The following NR6A1 variants were observed in gnomAD, a reference collection of about 807,000 sequenced individuals.
The protein encoded by NR6A1 is nuclear receptor subfamily 6 group A member 1, also known as retinoic acid receptor-related testis-associated receptor.
NR6A1 carries 7 observed loss-of-function variants against 59.1 expected under a neutral mutation model. The ratio of observed to expected loss-of-function variants is 0.12; its 90% CI spans 0.07 to 0.22. The LOEUF (loss-of-function observed/expected upper bound fraction) is 0.22. Ranked by LOEUF, NR6A1 falls within the 10% of genes least tolerant of loss-of-function variation. The probability of loss-of-function intolerance (pLI) is 1.00; values close to 1 mark genes in which losing one functional copy is unlikely to be tolerated. For missense variants in NR6A1, 468 were observed against 611.6 expected (o/e 0.77, Z 2.48); for synonymous variants, 243 against 236.1 (o/e 1.03, Z -0.27).
At chr9:124,765,357 C>A (rs1240507960) in intron 1 of NR6A1, among the ~76,000 whole-genome samples, 2 of 152,142 alleles carry the variant, frequency 1.3e-5, no homozygotes, top group African/African-American at 4.8e-5. Flanking sequence ...AATATTAAAA[C>A]AGCCCCCGAA....
At chr9:124,683,740 C>A (rs976953794) in intron 2 of NR6A1, among the ~76,000 whole-genome samples, 2 of 152,190 alleles carry the variant, frequency 1.3e-5, no homozygotes, top group African/African-American at 4.8e-5. Flanking sequence ...TTGCAGTGAG[C>A]CAAGATCGCA....
At chr9:124,602,835 A>G (rs1835482540) in intron 2 of NR6A1, among the ~76,000 whole-genome samples, 2 of 152,160 alleles carry the variant, frequency 1.3e-5, no homozygotes, top group Non-Finnish European at 2.9e-5. Flanking sequence ...CCCTCCCTCT[A>G]TAACCCAGCT....
chr9:124,649,775 A>G (rs1204644414), intron 2 of NR6A1, among the ~76,000 whole-genome samples: 1 of 152,222 alleles, frequency 6.6e-6, no homozygotes, highest in Non-Finnish European at 1.5e-5. Context: ...ATCCAATTTT[A>G]AAATGGGAAA....
chr9:124,707,596 T>C (rs918009978), intron 2 of NR6A1, among the ~76,000 whole-genome samples: 10 of 152,094 alleles, frequency 6.6e-5, no homozygotes, highest in African/African-American at 2.4e-5. Context: ...ATACTAAACA[T>C]TTAAAACAAT....
chr9:124,753,892 T>A (rs930487689), intron 1 of NR6A1, among the ~76,000 whole-genome samples: 2 of 152,158 alleles, frequency 1.3e-5, no homozygotes, highest in African/African-American at 4.8e-5. Context: ...GGCTCATAAT[T>A]CTACTTACAA....
chr9:124,768,823 T>A (rs559962041), intron 1 of NR6A1, among the ~76,000 whole-genome samples: 22 of 152,330 alleles, frequency 1.4e-4, no homozygotes, highest in Non-Finnish European at 2.5e-4. Flanking sequence ...TCAAGTAGAA[T>A]TGAAAGCAAT....
intron 2 of NR6A1, chr9:124,599,538 T>G: frequency 1.6e-6 from 1 of 637,414 alleles, no homozygotes; most frequent in South Asian, 1.5e-5. Flanking sequence ...TCATTCTCAA[T>G]GGAAGTATCG....
chr9:124,588,025 T>TCTCCTCAG (rs1834985603), intron 2 of NR6A1, among the ~76,000 whole-genome samples: 1 of 152,088 alleles, frequency 6.6e-6, no homozygotes, highest in South Asian at 2.1e-4. Flanking sequence ...AGAACTCCTC[T>TCTCCTCAG]CTCCTCAGCT....
intron 1 of NR6A1, among the ~76,000 whole-genome samples, chr9:124,755,653 C>T (rs1840614436): frequency 6.6e-6 from 1 of 152,188 alleles, no homozygotes; most frequent in Non-Finnish European, 1.5e-5. Flanking sequence ...GCTCTCTAAA[C>T]AGCTGCGAAT....
At chr9:124,546,934 C>T (rs1833618415) in intron 3 of NR6A1, among the ~76,000 whole-genome samples, 1 of 152,236 alleles carries the variant, frequency 6.6e-6, no homozygotes, top group Non-Finnish European at 1.5e-5. Context: ...GAGATTTGCT[C>T]AGGGAAGAAC....
chr9:124,655,442 C>T (rs143635863), intron 2 of NR6A1, among the ~76,000 whole-genome samples: 2 of 152,296 alleles, frequency 1.3e-5, no homozygotes, highest in African/African-American at 4.8e-5. Flanking sequence ...ACATCTGGCA[C>T]ATAAAAACCC....
intron 2 of NR6A1, among the ~76,000 whole-genome samples, chr9:124,603,516 G>A (rs555072429): frequency 6.6e-6 from 1 of 152,198 alleles, no homozygotes; most frequent in South Asian, 2.1e-4. Flanking sequence ...AACAATGAAG[G>A]GCTGGTACTG....
chr9:124,700,725 A>G (rs1838917539), intron 2 of NR6A1, among the ~76,000 whole-genome samples: 1 of 149,676 alleles, frequency 6.7e-6, no homozygotes, highest in South Asian at 2.1e-4. Context: ...AACATTTATA[A>G]TAATGCTATC....
At chr9:124,600,771 T>C (rs956749137) in intron 2 of NR6A1, among the ~76,000 whole-genome samples, 7 of 152,124 alleles carry the variant, frequency 4.6e-5, no homozygotes, top group Non-Finnish European at 1.0e-4. Flanking sequence ...AGCAATTCAT[T>C]AGAACAGACT....
At chr9:124,675,427 T>A (rs1837924388) in intron 2 of NR6A1, among the ~76,000 whole-genome samples, 1 of 152,188 alleles carries the variant, frequency 6.6e-6, no homozygotes, top group Admixed American at 6.5e-5. Context: ...GTTGACTGAA[T>A]ACAGTCAGAG....
At chr9:124,699,812 T>C (rs1383682398) in intron 2 of NR6A1, among the ~76,000 whole-genome samples, 1 of 152,234 alleles carries the variant, frequency 6.6e-6, no homozygotes, top group Non-Finnish European at 1.5e-5. Flanking sequence ...AGACAACCAC[T>C]GATCTGTCTC....
intron 2 of NR6A1, among the ~76,000 whole-genome samples, chr9:124,606,769 G>A (rs983928760): frequency 6.6e-6 from 1 of 152,142 alleles, no homozygotes; most frequent in Non-Finnish European, 1.5e-5. Flanking sequence ...AGAACACAGG[G>A]TATGTGCCAT....
chr9:124,614,384 C>T (rs1588710479), intron 2 of NR6A1, among the ~76,000 whole-genome samples: 1 of 152,204 alleles, frequency 6.6e-6, no homozygotes, highest in South Asian at 2.1e-4. Context: ...GAATGAAAAA[C>T]TTTCAAAGTT....
At chr9:124,621,112 CCAAA>C (rs1201667634) in intron 2 of NR6A1, among the ~76,000 whole-genome samples, 4 of 152,156 alleles carry the variant, frequency 2.6e-5, no homozygotes, top group African/African-American at 9.7e-5. Context: ...GGAGTAATAA[CCAAA>C]CAGTGATCAC....
Sources: gnomAD v4.1 joint callset for allele counts (sites outside exome capture counted in the v4.1 genomes callset) on GRCh38, gnomAD v4.1.1 for gene constraint, MANE v1.5 for transcripts, NCBI Gene and HGNC (gene_info 2026-07-23, HGNC 2026-07-21) for gene names.